The following ADAMTS14 variants were observed in gnomAD, a reference collection of about 807,000 sequenced individuals.
The protein encoded by ADAMTS14 is A disintegrin and metalloproteinase with thrombospondin motifs 14.
A neutral mutation model predicts 128.6 loss-of-function variants in ADAMTS14; 100 were observed. That is an observed-to-expected ratio of 0.78 (90% CI 0.66 to 0.92). The LOEUF (loss-of-function observed/expected upper bound fraction) is 0.92. Among genes scored for constraint, ADAMTS14 ranks in the 40% least tolerant of loss-of-function variants. ADAMTS14 has a pLI of 0.00. For missense variants in ADAMTS14, 1,562 were observed against 1,658.6 expected (o/e 0.94, Z 1.01); for synonymous variants, 665 against 653.8 (o/e 1.02, Z -0.26).
intron 2 of ADAMTS14, among the ~76,000 whole-genome samples, chr10:70,692,433 A>G (rs1004383913): frequency 6.6e-6 from 1 of 152,206 alleles, no homozygotes; most frequent in African/African-American, 2.4e-5. Flanking sequence ...CCCTGCTGGG[A>G]TGGAACCCCA....
In ADAMTS14 at chr10:70,762,095, T is replaced by C. The variant is rs1842624420; in HGVS notation, c.*1242T>C. On this transcript the variant is annotated 3_prime_UTR_variant, in exon 22 of 22. Coordinates refer to ENST00000373207, the MANE Select transcript of ADAMTS14 (RefSeq NM_080722.4). ...CTTAGATCCTCTGGCTCTCAGGAAG[T>C]GGCAGGGGGTCCCAGGACACCTCCG... The C allele has an allele frequency of 6.5e-6, 1 of 152,752 alleles. No homozygotes were observed. The highest frequency in any genetic ancestry group is 2.4e-5 in the African/African-American group (1 of 41,460). The allele number at this position is 152,752 out of a possible 1,614,324, so 9.5% of individuals were successfully genotyped here.
chr10:70,740,228 C>A (rs1257802296), intron 11 of ADAMTS14, among the ~76,000 whole-genome samples: 5 of 152,196 alleles, frequency 3.3e-5, no homozygotes, highest in Non-Finnish European at 7.3e-5. Flanking sequence ...GGATGCTAAG[C>A]ACTTAGGTAC....
rs76124447 is a variant in ADAMTS14, at chr10:70,738,540, C to T, written c.1600-302C>T. On this transcript the variant is annotated intron_variant, in intron 10 of 21. Coordinates refer to ENST00000373207, the MANE Select transcript of ADAMTS14 (RefSeq NM_080722.4). The stretch of plus-strand genomic sequence containing the variant: ...TCCCCTATCAGCCTTTTATTACTCC[C>T]GGGTGTGCCGATAATTGCACATTTA... Among the ~76,000 whole-genome samples, 491 of 152,274 alleles carry T rather than the reference C, an allele frequency of 3.2e-3. 1 individual carries two copies. The highest frequency in any genetic ancestry group is 9.1e-3 in the African/African-American group (377 of 41,542).
intron 2 of ADAMTS14, among the ~76,000 whole-genome samples, chr10:70,682,410 C>T (rs982336920): frequency 6.6e-6 from 1 of 152,184 alleles, no homozygotes; most frequent in Non-Finnish European, 1.5e-5. Context: ...CCTTGGGTTG[C>T]TTGTGAGCTC....
chr10:70,757,681 T>A (rs1842507612), intron 19 of ADAMTS14, among the ~76,000 whole-genome samples: 1 of 152,150 alleles, frequency 6.6e-6, no homozygotes, highest in African/African-American at 2.4e-5. Context: ...AGCCAGAGAT[T>A]AACCGTTTAG....
chr10:70,684,837 C>CG (rs1383794973), intron 2 of ADAMTS14, among the ~76,000 whole-genome samples: 3 of 147,854 alleles, frequency 2.0e-5, no homozygotes, highest in Non-Finnish European at 4.6e-5. Context: ...GCAGAGGCCC[C>CG]GGGCCTGGGT....
Position 70,743,656 on chromosome 10 carries a change from G to A in ADAMTS14, c.2033G>A (p.Ser678Asn). 2 of 1,605,000 alleles carry A rather than the reference G, an allele frequency of 1.2e-6. No individual in the cohort carries two copies. Among genetic ancestry groups the A allele is most frequent in the Admixed American group, 1.7e-5 (1 of 58,206 alleles). ...GTRCSYRDPY[S>N]VCARGECVPV... ...CGCTGCAGCTACCGGGACCCATACA[G>A]CGTCTGTGCGCGTGGCGAGTGTGTG... is the stretch of plus-strand genomic sequence containing the variant. The change falls in exon 13 of 22, where the codon AGC becomes AAC. Residue 678 changes from serine (S) to asparagine (N), a missense_variant. Coordinates refer to ENST00000373207, the MANE Select transcript of ADAMTS14 (RefSeq NM_080722.4).
At chr10:70,721,644 T>C (rs975204091) in intron 4 of ADAMTS14, among the ~76,000 whole-genome samples, 12 of 150,568 alleles carry the variant, frequency 8.0e-5, no homozygotes, top group African/African-American at 2.7e-4. Context: ...GCCTTGGCCT[T>C]CCAAAGTGCT....
chr10:70,755,879 A>C lies in ADAMTS14; in HGVS notation c.2937+1872A>C, dbSNP rs538391577. 3.9e-5 allele frequency among the ~76,000 whole-genome samples: 6 copies of C among 152,186 alleles called. No homozygotes were observed. In the East Asian group the frequency reaches 1.2e-3, roughly 29 times the overall value. Reference sequence around the variant, plus strand: ...AAAGAAAAAATTAGTTAAGATGGCAAACTTTATGTTATATAGATATTACCC... The same window carrying C: ...AAAGAAAAAATTAGTTAAGATGGCACACTTTATGTTATATAGATATTACCC... On this transcript the variant is annotated intron_variant, in intron 19 of 21. Coordinates refer to ENST00000373207, the MANE Select transcript of ADAMTS14 (RefSeq NM_080722.4).
chr10:70,738,930 C>G lies in ADAMTS14; in HGVS notation c.1688C>G (p.Ser563Ter), dbSNP rs1359216741. ...GGWSSWTKFGSCSRSCGGGVR... is the reference protein window; with the variant it reads ...GGWSSWTKFG ...TGGAGCTCCTGGACCAAGTTTGGGTCATGTTCGCGGTCATGTGGGGGCGGG... is the reference window on the plus strand; with the variant it reads ...TGGAGCTCCTGGACCAAGTTTGGGTGATGTTCGCGGTCATGTGGGGGCGGG... Residue 563 changes from serine to a stop codon, truncating the protein, a stop_gained, in exon 11 of 22, where the codon TCA becomes TGA. Transcript: ENST00000373207. LOFTEE classifies it high-confidence loss of function. 2 of 1,613,988 alleles carry G rather than the reference C, an allele frequency of 1.2e-6. No homozygotes were observed. The highest frequency in any genetic ancestry group is 8.5e-7 in the Non-Finnish European group (1 of 1,179,982).
intron 6 of ADAMTS14, 124 bp downstream of exon 6, chr10:70,730,373 AC>A: frequency 1.5e-6 from 2 of 1,324,486 alleles, no homozygotes; most frequent in Non-Finnish European, 2.0e-6. Flanking sequence ...AAGGGATGGG[AC>A]CTGGACAGCC....
intron 4 of ADAMTS14, 83 bp from the exon 5 acceptor site, chr10:70,729,211 G>T (rs764474767): frequency 8.4e-7 from 1 of 1,185,412 alleles, no homozygotes; most frequent in Non-Finnish European, 1.3e-6. Flanking sequence ...GATACCATAT[G>T]TTAGGTACCT....
chr10:70,743,819 G>C, intron 13 of ADAMTS14, 138 bp downstream of exon 13: 1 of 1,329,878 alleles, frequency 7.5e-7, no homozygotes, highest in Non-Finnish European at 1.0e-6. Context: ...CATAGCCCTG[G>C]GGTGCTGGAA....
intron 2 of ADAMTS14, among the ~76,000 whole-genome samples, chr10:70,691,797 C>T (rs781013242): frequency 5.9e-5 from 9 of 152,140 alleles, no homozygotes; most frequent in South Asian, 2.1e-4. Flanking sequence ...AAGAGGCGTG[C>T]GGTAACCCAG....
chr10:70,694,011 C>A (rs777552733), intron 2 of ADAMTS14, among the ~76,000 whole-genome samples: 2 of 152,256 alleles, frequency 1.3e-5, no homozygotes, highest in Non-Finnish European at 2.9e-5. Context: ...TCCTGCCTGT[C>A]CCCAAGGCTG....
chr10:70,695,095 T>C (rs1410789133), intron 2 of ADAMTS14, among the ~76,000 whole-genome samples: 2 of 152,226 alleles, frequency 1.3e-5, no homozygotes, highest in Non-Finnish European at 2.9e-5. Context: ...GATTTGCATT[T>C]CCCTGATGAC....
chr10:70,700,071 A>C (rs1840448892), intron 2 of ADAMTS14, among the ~76,000 whole-genome samples: 1 of 152,058 alleles, frequency 6.6e-6, no homozygotes, highest in African/African-American at 2.4e-5. Context: ...CTGAGAGTTC[A>C]TCACAGGCCC....
At chr10:70,733,638 T>G (rs922958137) in intron 7 of ADAMTS14, among the ~76,000 whole-genome samples, 4 of 151,464 alleles carry the variant, frequency 2.6e-5, no homozygotes, top group Admixed American at 6.6e-5. Context: ...ACAGAAGGGG[T>G]GGGTGTCTGG....
At chr10:70,732,850 G>T (rs1482032048) in intron 7 of ADAMTS14, among the ~76,000 whole-genome samples, 1 of 152,218 alleles carries the variant, frequency 6.6e-6, no homozygotes, top group Non-Finnish European at 1.5e-5. Flanking sequence ...GCCAGGCAGA[G>T]GCTGGCTTGC....
Sources: allele counts gnomAD v4.1 joint callset (sites outside exome capture counted in the v4.1 genomes callset), GRCh38; gene constraint gnomAD v4.1.1; transcripts MANE v1.5; gene names NCBI Gene and HGNC (gene_info 2026-07-23, HGNC 2026-07-21).